Variants in COL9A3 observed in about 807,000 individuals in gnomAD.
The protein encoded by COL9A3 is collagen type IX alpha 3 chain.
Under a neutral mutation model 110.2 loss-of-function variants are expected in COL9A3, and 82 were observed. The observed-to-expected ratio is 0.74, with a 90% CI of 0.62 to 0.89. The LOEUF (loss-of-function observed/expected upper bound fraction) is 0.89, where lower values mean the gene tolerates loss of function less well. Among genes scored for constraint, COL9A3 ranks in the 40% least tolerant of loss-of-function variants. The pLI, the probability that COL9A3 is intolerant of heterozygous loss-of-function variation, is 0.00. For synonymous variants in COL9A3, 494 were observed against 403.8 expected, an observed-to-expected ratio of 1.22 and a Z score of -2.68; for missense variants, 1,066 against 981.3, an observed-to-expected ratio of 1.09 and a Z score of -1.15.
rs1490579261 is a variant in COL9A3, at chr20:62,824,595, A to G, written c.576+94A>G. 2.3e-6 allele frequency: 3 copies of G among 1,306,378 alleles called. No homozygotes were observed. The African/African-American group carries it at 4.4e-5, about 19-fold the overall frequency. The allele number at this position is 1,306,378 out of a possible 1,614,324, so 80.9% of individuals were successfully genotyped here. ...GGCTGTGGAGGTGGCGGGTCCAGAAAGCTGGACCCTGGTTCCAGGGTTGCC... is the reference window on the plus strand; with the variant it reads ...GGCTGTGGAGGTGGCGGGTCCAGAAGGCTGGACCCTGGTTCCAGGGTTGCC... On this transcript the variant is annotated intron_variant, in intron 11 of 31. Coordinates refer to ENST00000649368, the MANE Select transcript of COL9A3 (RefSeq NM_001853.4).
At chr20:62,838,622 C>T (rs1874693476) in intron 30 of COL9A3, 62 bp from the exon 31 acceptor site, 2 of 1,425,200 alleles carry the variant, frequency 1.4e-6, no homozygotes, top group South Asian at 1.2e-5. Context: ...TGATCAGACA[C>T]CGCTGTGGTG....
chr20:62,824,885 AC>A (rs2063538047), intron 11 of COL9A3, 82 bp from the exon 12 acceptor site: 25 of 1,402,002 alleles, frequency 1.8e-5, no homozygotes, highest in Non-Finnish European at 2.5e-5. Context: ...GGGCTGACTG[AC>A]CCTGCAGGCC....
At chr20:62,836,055 T>C (rs974835874) in intron 27 of COL9A3, 102 bp downstream of exon 27, 2 of 1,606,710 alleles carry the variant, frequency 1.2e-6, no homozygotes, top group African/African-American at 2.7e-5. Context: ...ACTGCCCAGA[T>C]CCGAGATGTA....
intron 2 of COL9A3, 83 bp from the exon 3 acceptor site, chr20:62,818,435 G>A: frequency 1.5e-6 from 2 of 1,352,716 alleles, no homozygotes; most frequent in Admixed American, 3.3e-5. Flanking sequence ...TGATTTGGAG[G>A]CCAGCGCTGC....
Position 62,826,245 on chromosome 20 carries a change from C to T in COL9A3, c.726C>T (p.Pro242=), listed in dbSNP as rs1413883834. Residue 242 remains proline, a synonymous_variant, in exon 14 of 32, where the codon CCC becomes CCT. Coordinates refer to ENST00000649368, the MANE Select transcript of COL9A3 (RefSeq NM_001853.4). ...GLRGLPGPLG[P]PGDRGPIGFR... is the part of the protein sequence containing the mutation. ...GAGGACTGCCAGGGCCACTCGGGCC[C>T]CCTGGGGACCGGGTAAGTCCTGCAG... The T allele has an allele frequency of 1.9e-6, 3 of 1,553,782 alleles. No homozygotes were observed. Among genetic ancestry groups the T allele is most frequent in the Admixed American group, 1.9e-5 (1 of 51,796 alleles).
chr20:62,838,960 T>C (rs1013347704), intron 31 of COL9A3, among the ~76,000 whole-genome samples, 199 bp downstream of exon 31: 1 of 152,166 alleles, frequency 6.6e-6, no homozygotes, highest in African/African-American at 2.4e-5. Context: ...CGCGGTGGCT[T>C]ACACCTGTAA....
rs2063672086 is a variant in COL9A3, at chr20:62,840,765, C to CAA, written c.*33_*34insAA. 14 of 1,307,686 alleles carry CAA rather than the reference C, an allele frequency of 1.1e-5. No homozygotes were observed. In the East Asian group the frequency reaches 4.0e-4, roughly 37 times the overall value. The allele number at this position is 1,307,686 out of a possible 1,614,324, so 81.0% of individuals were successfully genotyped here. ...CGTGAGGAAGCAAGTGACAAGGACG[C>CAA]CCGAAGCACAGTGGACGGTCATGAA... On this transcript the variant is annotated 3_prime_UTR_variant, in exon 32 of 32. Transcript: ENST00000649368.
intron 4 of COL9A3, among the ~76,000 whole-genome samples, chr20:62,819,587 T>G (rs1165202071): frequency 3.3e-5 from 5 of 151,962 alleles, no homozygotes; most frequent in Non-Finnish European, 7.4e-5. Flanking sequence ...CCTCACTTAG[T>G]CATCTTGGGC....
At chr20:62,826,325 C>A in intron 14 of COL9A3, 68 bp downstream of exon 14, 2 of 1,395,330 alleles carry the variant, frequency 1.4e-6, no homozygotes, top group African/African-American at 1.4e-5. Context: ...CACCTCCAGA[C>A]TTCAGATGGG....
In COL9A3 at chr20:62,836,323, C is replaced by T. The variant is rs202094480; in HGVS notation, c.1538C>T (p.Pro513Leu). Residue 513 changes from proline (P) to leucine (L), a missense_variant, in exon 28 of 32, where the codon CCG becomes CTG. Coordinates refer to ENST00000649368, the MANE Select transcript of COL9A3 (RefSeq NM_001853.4). ...GGTGTTCCTGGCATCACGGGGAAGC[C>T]GGGAGTTCCGGTACGTCGCTTTTCC... ...VPGVPGITGK[P>L]GVPGKEASEQ... 6.4e-5 allele frequency: 103 copies of T among 1,613,802 alleles called. No individual in the cohort carries two copies. The Middle Eastern group carries it at 9.9e-4, about 16-fold the overall frequency.
chr20:62,830,334 G>T, intron 22 of COL9A3, 26 bp from the exon 23 acceptor site: 1 of 1,561,946 alleles, frequency 6.4e-7, no homozygotes, highest in Middle Eastern at 1.7e-4. Flanking sequence ...TGAGACATCC[G>T]CTCACACCTC....
intron 18 of COL9A3, 34 bp from the exon 19 acceptor site, chr20:62,828,889 C>T (rs896658078): frequency 2.5e-6 from 4 of 1,612,446 alleles, no homozygotes; most frequent in Admixed American, 3.3e-5. Flanking sequence ...AGGCCTCAGC[C>T]TCCCCTTCCG....
At chr20:62,818,963 C>T (rs1263628268) in intron 3 of COL9A3, among the ~76,000 whole-genome samples, 3 of 152,088 alleles carry the variant, frequency 2.0e-5, no homozygotes, top group Non-Finnish European at 2.9e-5. Flanking sequence ...CCAGGGAGGC[C>T]GAGGTGACCA....
chr20:62,820,148 T>C (rs1184369787), intron 5 of COL9A3, among the ~76,000 whole-genome samples, 166 bp downstream of exon 5: 1 of 152,066 alleles, frequency 6.6e-6, no homozygotes, highest in East Asian at 1.9e-4. Flanking sequence ...AAGTGGCCAG[T>C]CCCCTGTGCC....
chr20:62,821,595 G>A (rs1056425277), intron 7 of COL9A3, 65 bp downstream of exon 7: 65 of 1,609,266 alleles, frequency 4.0e-5, no homozygotes, highest in East Asian at 2.9e-4. Context: ...GCCAGGCTGG[G>A]ATGTCCCAAA....
intron 8 of COL9A3, 132 bp from the exon 9 acceptor site, chr20:62,821,979 C>T (rs2063516601): frequency 9.0e-6 from 7 of 780,508 alleles, no homozygotes; most frequent in East Asian, 2.5e-5. Context: ...GACCTCAGGA[C>T]GCAGACACCA....
At chr20:62,836,942 A>G (rs1341956205) in intron 29 of COL9A3, 141 bp from the exon 30 acceptor site, 2 of 1,128,038 alleles carry the variant, frequency 1.8e-6, no homozygotes, top group Non-Finnish European at 2.7e-6. Context: ...CATCACCCCA[A>G]AGCAGTTAAA....
chr20:62,818,402 T>C, intron 2 of COL9A3, 116 bp from the exon 3 acceptor site: 6 of 1,020,230 alleles, frequency 5.9e-6, no homozygotes, highest in Non-Finnish European at 4.6e-6. Context: ...CCCTTTTGTC[T>C]GCTGGGGCTG....
At chr20:62,819,569 A>G (rs1212713063) in intron 4 of COL9A3, among the ~76,000 whole-genome samples, 1 of 151,902 alleles carries the variant, frequency 6.6e-6, no homozygotes, top group African/African-American at 2.4e-5. Context: ...CCTTCTGCCC[A>G]CTGCTGGCCT....
Sources: gnomAD v4.1 joint callset for allele counts (sites outside exome capture counted in the v4.1 genomes callset) on GRCh38, gnomAD v4.1.1 for gene constraint, MANE v1.5 for transcripts, NCBI Gene and HGNC (gene_info 2026-07-23, HGNC 2026-07-21) for gene names.